Variants in NUMB observed in about 807,000 individuals in gnomAD.
The protein encoded by NUMB is NUMB endocytic adaptor protein, also known as protein numb homolog.
In NUMB, 29 loss-of-function variants were observed where a neutral mutation model predicts 59.7. That is an observed-to-expected ratio of 0.49 (90% CI 0.36 to 0.66). The LOEUF is 0.66. NUMB is among the 30% of genes least tolerant of loss of function. The probability of loss-of-function intolerance (pLI) is 0.00; values close to 1 mark genes in which losing one functional copy is unlikely to be tolerated. For synonymous variants in NUMB, 288 were observed against 288.2 expected (o/e 1.00, Z 0.01); for missense variants, 723 against 822.0 (o/e 0.88, Z 1.47).
chr14:73,310,488 A>G (rs1314109761), intron 6 of NUMB, among the ~76,000 whole-genome samples: 1 of 152,222 alleles, frequency 6.6e-6, no homozygotes, highest in African/African-American at 2.4e-5. Flanking sequence ...TCCATTCATT[A>G]TAATTAAGGC....
chr14:73,386,832 G>T (rs868805541), intron 2 of NUMB, among the ~76,000 whole-genome samples: 9 of 141,720 alleles, frequency 6.4e-5, no homozygotes, highest in Non-Finnish European at 1.2e-4. Context: ...AGAAGGCAAA[G>T]GAAAAATAAT....
chr14:73,319,186 C>T (rs1353809931), intron 5 of NUMB, among the ~76,000 whole-genome samples: 1 of 152,110 alleles, frequency 6.6e-6, no homozygotes, highest in Non-Finnish European at 1.5e-5. Flanking sequence ...TCGCGTGAAC[C>T]CGGGAGGCGG....
intron 2 of NUMB, among the ~76,000 whole-genome samples, chr14:73,386,058 T>A (rs1200619885): frequency 6.6e-6 from 1 of 152,186 alleles, no homozygotes; most frequent in Non-Finnish European, 1.5e-5. Flanking sequence ...CTCCTATTTT[T>A]TTTTAATAGT....
intron 9 of NUMB, chr14:73,286,773 C>A (rs1001275751): frequency 1.2e-4 from 37 of 318,432 alleles, no homozygotes; most frequent in Non-Finnish European, 1.6e-4. Flanking sequence ...CTTTAAGATG[C>A]AGGTACTTGA....
At chr14:73,313,798 AGAT>A (rs1429683392) in intron 6 of NUMB, among the ~76,000 whole-genome samples, 2 of 151,606 alleles carry the variant, frequency 1.3e-5, no homozygotes, top group South Asian at 2.1e-4. Context: ...CCACTAAAAA[AGAT>A]GATTTTTTTT....
intron 4 of NUMB, among the ~76,000 whole-genome samples, chr14:73,326,352 C>T (rs1224112839): frequency 6.6e-6 from 1 of 151,830 alleles, no homozygotes; most frequent in South Asian, 2.1e-4. Context: ...GATGGCCGGT[C>T]GCGGTGGGTC....
chr14:73,371,629 T>TA (rs1392589460), intron 2 of NUMB, among the ~76,000 whole-genome samples: 2 of 151,580 alleles, frequency 1.3e-5, no homozygotes, highest in Non-Finnish European at 2.9e-5. Flanking sequence ...CTTGAATAGG[T>TA]CCCCCCCAAA....
At chr14:73,428,279 C>T (rs1897672399) in intron 1 of NUMB, among the ~76,000 whole-genome samples, 1 of 152,126 alleles carries the variant, frequency 6.6e-6, no homozygotes. Context: ...AGCTAACCTA[C>T]CTACCTAGGC....
chr14:73,337,650 A>G (rs531994123), intron 4 of NUMB, among the ~76,000 whole-genome samples: 1 of 152,336 alleles, frequency 6.6e-6, no homozygotes, highest in African/African-American at 2.4e-5. Flanking sequence ...GCCCAGTGCA[A>G]TGAGGCAAGA....
intron 4 of NUMB, among the ~76,000 whole-genome samples, chr14:73,333,960 G>C (rs1238420369): frequency 6.6e-6 from 1 of 152,002 alleles, no homozygotes; most frequent in Non-Finnish European, 1.5e-5. Flanking sequence ...CACCTCCCGG[G>C]ATCAGGCAAT....
At chr14:73,439,117 T>C (rs1173489015) in intron 1 of NUMB, among the ~76,000 whole-genome samples, 1 of 152,178 alleles carries the variant, frequency 6.6e-6, no homozygotes, top group African/African-American at 2.4e-5. Context: ...GATGATTTAG[T>C]GATTTTCCAC....
At chr14:73,413,730 G>A (rs368799326) in intron 1 of NUMB, among the ~76,000 whole-genome samples, 6 of 151,796 alleles carry the variant, frequency 4.0e-5, no homozygotes, top group East Asian at 2.0e-4. Context: ...TGCCCAGACC[G>A]TGCCACTGCA....
rs549089757 is a variant in NUMB at position 73,313,803 on chromosome 14, A to AT, written c.234+2586dup. Among the ~76,000 whole-genome samples the AT allele has an allele frequency of 5.7e-3, 837 of 147,590 alleles. 6 individuals are homozygous for AT. The highest frequency in any genetic ancestry group is 0.02 in the African/African-American group (785 of 40,254). ...TTAGTTTGAACCACTAAAAAAGATGATTTTTTTTTTCTTTTTTTTTTTGAG... is the reference window on the plus strand; with the variant it reads ...TTAGTTTGAACCACTAAAAAAGATGATTTTTTTTTTTCTTTTTTTTTTTGAG... On this transcript the variant is annotated intron_variant, in intron 6 of 12. Coordinates refer to ENST00000555238, the MANE Select transcript of NUMB (RefSeq NM_001005743.2).
At chr14:73,390,015 T>TA (rs2140096812) in intron 2 of NUMB, among the ~76,000 whole-genome samples, 1 of 152,196 alleles carries the variant, frequency 6.6e-6, no homozygotes, top group East Asian at 1.9e-4. Flanking sequence ...AGAACATTTT[T>TA]AAAAAATAAA....
chr14:73,354,146 C>G (rs536808564), intron 4 of NUMB, among the ~76,000 whole-genome samples: 35 of 151,912 alleles, frequency 2.3e-4, no homozygotes, highest in African/African-American at 8.2e-4. Context: ...GAAGCTTTAG[C>G]CCATATTTCA....
At chr14:73,392,955 CAT>C (rs1233067237) in intron 2 of NUMB, among the ~76,000 whole-genome samples, 1 of 152,044 alleles carries the variant, frequency 6.6e-6, no homozygotes, top group African/African-American at 2.4e-5. Flanking sequence ...ATTTAATAGA[CAT>C]GTGCGTTTTT....
chr14:73,454,070 G>A (rs763534851), intron 1 of NUMB, among the ~76,000 whole-genome samples: 1 of 152,020 alleles, frequency 6.6e-6, no homozygotes, highest in Non-Finnish European at 1.5e-5. Context: ...GTTGGGCGGG[G>A]GGGGAACGGT....
At chr14:73,368,395 C>G (rs998157492) in intron 2 of NUMB, among the ~76,000 whole-genome samples, 3 of 151,980 alleles carry the variant, frequency 2.0e-5, no homozygotes, top group African/African-American at 4.8e-5. Flanking sequence ...CTGGCCAACA[C>G]AGCGAAACCT....
chr14:73,393,959 C>A (rs756203125), intron 2 of NUMB, among the ~76,000 whole-genome samples: 17 of 152,130 alleles, frequency 1.1e-4, no homozygotes, highest in Non-Finnish European at 1.9e-4. Flanking sequence ...GTATAGTTGA[C>A]AAATAAAAAT....
Sources: allele counts gnomAD v4.1 joint callset (sites outside exome capture counted in the v4.1 genomes callset), GRCh38; gene constraint gnomAD v4.1.1; transcripts MANE v1.5; gene names NCBI Gene and HGNC (gene_info 2026-07-23, HGNC 2026-07-21).